EBF2: variants seen among roughly 807,000 people sequenced by gnomAD.
EBF2 encodes the protein transcription factor COE2.
A neutral mutation model predicts 72.8 loss-of-function variants in EBF2; 21 were observed. That is an observed-to-expected ratio of 0.29 (90% CI 0.20 to 0.42). The LOEUF is 0.42. Among genes scored for constraint, EBF2 ranks in the 10% least tolerant of loss-of-function variants. EBF2 has a pLI of 1.00. For synonymous variants in EBF2, 299 were observed against 274.2 expected (o/e 1.09, Z -0.89); for missense variants, 637 against 731.2 (o/e 0.87, Z 1.49).
rs1029770273 is a variant in EBF2 at position 25,977,994 on chromosome 8, CCG to C, written c.551+55089_551+55090del. Among the ~76,000 whole-genome samples, 42 of 152,196 alleles carry C rather than the reference CCG, an allele frequency of 2.8e-4. 1 individual carries two copies. The highest frequency in any genetic ancestry group is 8.3e-4 in the South Asian group (4 of 4,820). Reference sequence around the variant, plus strand: ...GCAATTTTTTTTTCTTGACCCTATCCCGTTGTCACTTTGAAGAGGGAGATAGC... The same window carrying C: ...GCAATTTTTTTTTCTTGACCCTATCCTTGTCACTTTGAAGAGGGAGATAGC... On this transcript the variant is annotated intron_variant, in intron 6 of 15. Transcript: ENST00000520164.
At chr8:25,907,802 G>T (rs1189397119) in intron 7 of EBF2, among the ~76,000 whole-genome samples, 1 of 152,146 alleles carries the variant, frequency 6.6e-6, no homozygotes, top group Non-Finnish European at 1.5e-5. Flanking sequence ...AAGCCATTTG[G>T]TGAATTAAAT....
chr8:25,938,716 C>T (rs1388719874), intron 6 of EBF2, among the ~76,000 whole-genome samples: 1 of 152,016 alleles, frequency 6.6e-6, no homozygotes, highest in African/African-American at 2.4e-5. Flanking sequence ...TAAAAAGAAC[C>T]CTGGACTAAG....
chr8:25,952,062 G>A (rs13252400), intron 6 of EBF2, among the ~76,000 whole-genome samples: 2,535 of 152,262 alleles, frequency 0.017, 32 homozygotes, highest in Non-Finnish European at 0.023. Context: ...GAAGGCCAAG[G>A]CAGGAGGATT....
At chr8:26,024,741 C>A (rs1805271688) in intron 6 of EBF2, among the ~76,000 whole-genome samples, 1 of 152,138 alleles carries the variant, frequency 6.6e-6, no homozygotes, top group Non-Finnish European at 1.5e-5. Context: ...ATGTGAGATA[C>A]AGGATAATTG....
chr8:25,880,673 G>A (rs987271323), intron 10 of EBF2, among the ~76,000 whole-genome samples: 1 of 152,138 alleles, frequency 6.6e-6, no homozygotes, highest in Admixed American at 6.5e-5. Flanking sequence ...ATGTCTGGCA[G>A]GGCAAGGGCC....
At chr8:26,016,703 C>T (rs1376134993) in intron 6 of EBF2, among the ~76,000 whole-genome samples, 1 of 151,752 alleles carries the variant, frequency 6.6e-6, no homozygotes, top group African/African-American at 2.4e-5. Flanking sequence ...GTAGAACCTC[C>T]TCACTCTTTC....
At chr8:26,041,056 G>A (rs1805591695) in intron 2 of EBF2, 54 bp from the exon 3 acceptor site, 14 of 1,597,778 alleles carry the variant, frequency 8.8e-6, no homozygotes, top group African/African-American at 1.3e-5. Context: ...CCAAAATGAG[G>A]GAAAGAGGAG....
At position 25,844,276 on chromosome 8, in the gene EBF2, CATTA is replaced by C. The variant is rs1380416786; in HGVS notation, c.*329_*332del. ...AACAAATAGTATCCAAAATATTAAGCATTAATTGTTTGCCAATTTTTTCTTAAAT... is the reference window on the plus strand; with the variant it reads ...AACAAATAGTATCCAAAATATTAAGCATTGTTTGCCAATTTTTTCTTAAAT... On this transcript the variant is annotated 3_prime_UTR_variant, in exon 16 of 16. Transcript: ENST00000520164. 1.5e-5 allele frequency: 3 copies of C among 196,754 alleles called. No homozygotes were observed. Among genetic ancestry groups the C allele is most frequent in the African/African-American group, 2.3e-5 (1 of 43,150 alleles). The allele number at this position is 196,754 out of a possible 1,614,324, so 12.2% of individuals were successfully genotyped here.
At chr8:25,920,933 G>C (rs1450035010) in intron 6 of EBF2, among the ~76,000 whole-genome samples, 1 of 152,064 alleles carries the variant, frequency 6.6e-6, no homozygotes, top group Non-Finnish European at 1.5e-5. Flanking sequence ...GTGGGGAGCA[G>C]TAAATTGGGA....
At chr8:25,973,202 A>G (rs1323688004) in intron 6 of EBF2, among the ~76,000 whole-genome samples, 2 of 152,174 alleles carry the variant, frequency 1.3e-5, no homozygotes, top group Non-Finnish European at 2.9e-5. Context: ...TCTCAGGTAA[A>G]TATGAACTTG....
intron 6 of EBF2, among the ~76,000 whole-genome samples, chr8:25,995,370 A>C (rs1406799336): frequency 6.6e-6 from 1 of 152,238 alleles, no homozygotes; most frequent in Admixed American, 6.5e-5. Flanking sequence ...GATTTAAAGC[A>C]AACATATTTA....
At chr8:26,024,949 C>A (rs758318036) in intron 6 of EBF2, among the ~76,000 whole-genome samples, 1 of 151,890 alleles carries the variant, frequency 6.6e-6, no homozygotes, top group Non-Finnish European at 1.5e-5. Flanking sequence ...AAAGCAAGCA[C>A]GAAATAGGTA....
intron 6 of EBF2, among the ~76,000 whole-genome samples, chr8:25,956,405 CAA>C (rs1228684813): frequency 1.5e-5 from 2 of 132,558 alleles, no homozygotes; most frequent in African/African-American, 2.8e-5. Context: ...AACTCCTTCT[CAA>C]AAAAAAAAAA....
intron 14 of EBF2, among the ~76,000 whole-genome samples, chr8:25,855,080 C>CATCT (rs767413088): frequency 4.6e-5 from 7 of 152,182 alleles, no homozygotes; most frequent in Non-Finnish European, 8.8e-5. Context: ...TTTCTCTGGA[C>CATCT]ATCTATCTCT....
At chr8:25,854,127 T>G (rs1221519726) in intron 14 of EBF2, among the ~76,000 whole-genome samples, 1 of 152,106 alleles carries the variant, frequency 6.6e-6, no homozygotes, top group Non-Finnish European at 1.5e-5. Context: ...AATACAATCC[T>G]TAGCAATAGA....
At chr8:25,847,741 A>G (rs3936202) in intron 15 of EBF2, among the ~76,000 whole-genome samples, 46,479 of 151,946 alleles carry the variant, frequency 0.31, 7,242 homozygotes, top group South Asian at 0.41. Flanking sequence ...CATCATGGCC[A>G]GCACTCTTCC....
intron 6 of EBF2, among the ~76,000 whole-genome samples, chr8:25,966,276 G>A (rs1804113620): frequency 6.6e-6 from 1 of 152,198 alleles, no homozygotes; most frequent in African/African-American, 2.4e-5. Flanking sequence ...TTTAAGAACA[G>A]GTGTATTTGG....
intron 6 of EBF2, among the ~76,000 whole-genome samples, chr8:25,974,551 C>T (rs1184591388): frequency 6.6e-6 from 1 of 152,116 alleles, no homozygotes; most frequent in Non-Finnish European, 1.5e-5. Context: ...TTAGTTTGAA[C>T]TTTTAATGTG....
intron 6 of EBF2, among the ~76,000 whole-genome samples, chr8:25,936,794 G>C (rs1803586791): frequency 6.6e-6 from 1 of 152,070 alleles, no homozygotes; most frequent in South Asian, 2.1e-4. Flanking sequence ...TTTCCTAAAA[G>C]TATATATAAG....
Sources: allele counts gnomAD v4.1 joint callset (sites outside exome capture counted in the v4.1 genomes callset), GRCh38; gene constraint gnomAD v4.1.1; transcripts MANE v1.5; gene names NCBI Gene and HGNC (gene_info 2026-07-23, HGNC 2026-07-21).